The following SLC26A7 variants were observed in gnomAD, a reference collection of about 807,000 sequenced individuals.
SLC26A7 encodes the protein anion exchange transporter.
In SLC26A7, 59 loss-of-function variants were observed where a neutral mutation model predicts 82.5. The ratio of observed to expected loss-of-function variants is 0.72; its 90% CI spans 0.58 to 0.89. The LOEUF (loss-of-function observed/expected upper bound fraction) is 0.89, where lower values mean the gene tolerates loss of function less well. Ranked by LOEUF, SLC26A7 falls within the 40% of genes least tolerant of loss-of-function variation. The pLI is 0.00. For synonymous variants in SLC26A7, 271 were observed against 274.3 expected, an observed-to-expected ratio of 0.99 and a Z score of 0.12; for missense variants, 820 against 793.0, an observed-to-expected ratio of 1.03 and a Z score of -0.41.
At chr8:91,277,761 C>T (rs1373745946) in intron 2 of SLC26A7, among the ~76,000 whole-genome samples, 1 of 152,144 alleles carries the variant, frequency 6.6e-6, no homozygotes, top group South Asian at 2.1e-4. Context: ...ATAGTTTAAA[C>T]TTCACATATT....
intron 11 of SLC26A7, among the ~76,000 whole-genome samples, chr8:91,354,870 A>C (rs1270257797): frequency 6.6e-6 from 1 of 152,126 alleles, no homozygotes; most frequent in Non-Finnish European, 1.5e-5. Context: ...AGAAAATTCT[A>C]TTATTTAGAT....
intron 15 of SLC26A7, among the ~76,000 whole-genome samples, chr8:91,383,151 T>C (rs898673800): frequency 6.6e-6 from 1 of 152,172 alleles, no homozygotes; most frequent in Non-Finnish European, 1.5e-5. Context: ...TCCTCTTCTT[T>C]GGTCACCAGG....
intron 2 of SLC26A7, among the ~76,000 whole-genome samples, chr8:91,279,986 C>T (rs968330764): frequency 6.6e-6 from 1 of 152,078 alleles, no homozygotes; most frequent in East Asian, 1.9e-4. Flanking sequence ...TGTTTGAGTT[C>T]CTTACATATT....
At chr8:91,219,272 C>G in intron 2 of SLC26A7, 1 of 256,316 alleles carries the variant, frequency 3.9e-6, no homozygotes. Context: ...TTTTTTCCTG[C>G]TGTTTTATGA....
rs148346709 is a variant in SLC26A7 at position 91,236,537 on chromosome 8, C to T, written c.-33-13082C>T. On this transcript the variant is annotated intron_variant, in intron 2 of 5. Coordinates refer to the SLC26A7 transcript ENST00000522862. ...AAAATATTACCATCAACATTCATCA[C>T]TGATATAAATTCAATAACTTCTGTG... 1.4e-3 allele frequency among the ~76,000 whole-genome samples: 204 copies of T among 149,098 alleles called. 1 individual carries two copies. Among genetic ancestry groups the T allele is most frequent in the South Asian group, 3.7e-3 (17 of 4,568 alleles).
chr8:91,295,009 G>A (rs1030565599), intron 3 of SLC26A7, among the ~76,000 whole-genome samples: 1 of 152,104 alleles, frequency 6.6e-6, no homozygotes, highest in Admixed American at 6.6e-5. Context: ...AAACAAATAG[G>A]ATTTGCACAG....
chr8:91,212,834 T>C (rs1054689069), intron 1 of SLC26A7, among the ~76,000 whole-genome samples: 18 of 152,202 alleles, frequency 1.2e-4, no homozygotes, highest in African/African-American at 4.3e-4. Flanking sequence ...TTAGAAATAT[T>C]AAAATGGATA....
chr8:91,232,353 C>T (rs1002856241), intron 2 of SLC26A7, among the ~76,000 whole-genome samples: 2 of 151,956 alleles, frequency 1.3e-5, no homozygotes, highest in African/African-American at 4.9e-5. Context: ...CTCAGAGAAT[C>T]TGTGATGAAA....
chr8:91,220,815 G>A (rs185359035), intron 2 of SLC26A7, among the ~76,000 whole-genome samples: 3 of 152,234 alleles, frequency 2.0e-5, no homozygotes, highest in Non-Finnish European at 4.4e-5. Flanking sequence ...ATAAACATAC[G>A]TGTGCATGTG....
chr8:91,353,064 T>C, intron 11 of SLC26A7, 68 bp downstream of exon 11: 1 of 1,013,312 alleles, frequency 9.9e-7, no homozygotes, highest in Non-Finnish European at 1.5e-6. Context: ...TATGCACTAA[T>C]ACTTTTATTT....
Position 91,394,355 on chromosome 8 carries a change from T to A in SLC26A7, c.1935+316T>A. 2.6e-6 allele frequency: 4 copies of A among 1,566,394 alleles called. No homozygotes were observed. In the South Asian group the frequency reaches 3.5e-5, roughly 14 times the overall value. ...TTCCAGGATCTACTGTCCTGGGGAC[T>A]TGAATCCACCTTTCTCAAATATAAA... is the stretch of plus-strand genomic sequence containing the variant. On this transcript the variant is annotated intron_variant, in intron 18 of 18. Coordinates refer to ENST00000276609, the MANE Select transcript of SLC26A7 (RefSeq NM_052832.4).
chr8:91,222,158 AT>A (rs1243693011), intron 2 of SLC26A7, among the ~76,000 whole-genome samples: 1 of 152,046 alleles, frequency 6.6e-6, no homozygotes, highest in Non-Finnish European at 1.5e-5. Context: ...TTCACTCATG[AT>A]TTGGTTCTCT....
At chr8:91,299,396 T>C (rs1020894472) in intron 4 of SLC26A7, among the ~76,000 whole-genome samples, 1 of 150,254 alleles carries the variant, frequency 6.7e-6, no homozygotes, top group Non-Finnish European at 1.5e-5. Context: ...GTCACCATAT[T>C]TTTTTTCTAG....
chr8:91,323,906 C>T (rs1180029966), intron 5 of SLC26A7, among the ~76,000 whole-genome samples: 3 of 151,308 alleles, frequency 2.0e-5, no homozygotes, highest in African/African-American at 7.3e-5. Flanking sequence ...GCAACCTCCA[C>T]CTCCCGGGTT....
intron 5 of SLC26A7, among the ~76,000 whole-genome samples, chr8:91,322,100 C>A (rs959791649): frequency 2.0e-5 from 3 of 152,020 alleles, no homozygotes; most frequent in Non-Finnish European, 4.4e-5. Flanking sequence ...ATAGAGGACT[C>A]TTAATCAGAT....
chr8:91,266,819 T>A (rs1811125862), intron 2 of SLC26A7, among the ~76,000 whole-genome samples: 1 of 151,988 alleles, frequency 6.6e-6, no homozygotes. Flanking sequence ...TTGTTCCAGA[T>A]TTTTGAGGAA....
chr8:91,354,407 TG>T (rs1393571728), intron 11 of SLC26A7, among the ~76,000 whole-genome samples: 2 of 152,062 alleles, frequency 1.3e-5, no homozygotes, highest in African/African-American at 4.8e-5. Context: ...GTATTTGGCA[TG>T]GGTAGAACAT....
intron 13 of SLC26A7, among the ~76,000 whole-genome samples, chr8:91,365,469 G>A (rs1014279575): frequency 6.6e-6 from 1 of 152,204 alleles, no homozygotes; most frequent in African/African-American, 2.4e-5. Flanking sequence ...AAGCTTTGGT[G>A]CTTTGGGATG....
intron 2 of SLC26A7, among the ~76,000 whole-genome samples, chr8:91,220,039 G>T (rs1472435412): frequency 6.6e-6 from 1 of 152,098 alleles, no homozygotes; most frequent in Admixed American, 6.6e-5. Context: ...CCTTTTATGA[G>T]TTTAATTCAG....
Sources: allele counts gnomAD v4.1 joint callset (sites outside exome capture counted in the v4.1 genomes callset), GRCh38; gene constraint gnomAD v4.1.1; transcripts MANE v1.5; gene names NCBI Gene and HGNC (gene_info 2026-07-23, HGNC 2026-07-21).